The following CORO2B variants were observed in gnomAD, a reference collection of about 807,000 sequenced individuals.
CORO2B encodes the protein coronin 2B, also known as coronin-2B.
A neutral mutation model predicts 58.8 loss-of-function variants in CORO2B; 26 were observed. The ratio of observed to expected loss-of-function variants is 0.44; its 90% CI spans 0.32 to 0.61. The LOEUF (loss-of-function observed/expected upper bound fraction) is 0.61, where lower values mean the gene tolerates loss of function less well. Among genes scored for constraint, CORO2B ranks in the 20% least tolerant of loss-of-function variants. The pLI, the probability that CORO2B is intolerant of heterozygous loss-of-function variation, is 0.04. For synonymous variants in CORO2B, 242 were observed against 253.8 expected (o/e 0.95, Z 0.44); for missense variants, 460 against 645.1 (o/e 0.71, Z 3.11).
the CORO2B span, among the ~76,000 whole-genome samples, chr15:68,570,807 T>TTG: frequency 7.0e-6 from 1 of 142,750 alleles, no homozygotes; most frequent in Non-Finnish European, 1.5e-5. Flanking sequence ...TAGTTTTTTT[T>TTG]TTTTTTTTTT....
upstream of CORO2B, among the ~76,000 whole-genome samples, chr15:68,577,111 G>A (rs1899303484): frequency 6.6e-6 from 1 of 152,128 alleles, no homozygotes; most frequent in Non-Finnish European, 1.5e-5. Flanking sequence ...AGACGCCTGA[G>A]GTCTGCAGCA....
intron 2 of CORO2B, among the ~76,000 whole-genome samples, chr15:68,687,326 G>GCTT (rs1903017252): frequency 6.6e-6 from 1 of 152,218 alleles, no homozygotes; most frequent in African/African-American, 2.4e-5. Context: ...AAAACATTTT[G>GCTT]CTTCCATGTA....
chr15:68,708,357 C>CTTTTT (rs921103212), intron 3 of CORO2B, among the ~76,000 whole-genome samples: 35 of 114,960 alleles, frequency 3.0e-4, no homozygotes, highest in East Asian at 4.9e-4. Flanking sequence ...TTTTTTTCTT[C>CTTTTT]TTTTTTTTTT....
chr15:68,635,229 G>C (rs193295000), intron 1 of CORO2B, among the ~76,000 whole-genome samples: 10 of 152,304 alleles, frequency 6.6e-5, no homozygotes, highest in Admixed American at 6.5e-4. Flanking sequence ...TTTGGGCTAA[G>C]GGGGTGCAAG....
intron 1 of CORO2B, among the ~76,000 whole-genome samples, chr15:68,591,886 G>A (rs987064777): frequency 6.6e-6 from 1 of 152,172 alleles, no homozygotes; most frequent in African/African-American, 2.4e-5. Context: ...CACTGGAATG[G>A]GATTTCAGGA....
At chr15:68,610,541 G>T (rs1037238036) in intron 1 of CORO2B, among the ~76,000 whole-genome samples, 1 of 151,590 alleles carries the variant, frequency 6.6e-6, no homozygotes, top group Admixed American at 6.6e-5. Context: ...CTCCCCTCCT[G>T]TTCTCCCATC....
At chr15:68,597,013 C>T (rs181992943) in intron 1 of CORO2B, among the ~76,000 whole-genome samples, 6 of 152,252 alleles carry the variant, frequency 3.9e-5, no homozygotes, top group East Asian at 1.9e-4. Flanking sequence ...CCTCAGGGAC[C>T]GCCCTCCCCT....
intron 2 of CORO2B, among the ~76,000 whole-genome samples, chr15:68,675,783 A>C (rs1902563641): frequency 6.6e-6 from 1 of 152,168 alleles, no homozygotes; most frequent in African/African-American, 2.4e-5. Context: ...GGAAGAGAGA[A>C]TTTATTCACT....
At chr15:68,527,067 C>A in the CORO2B span, among the ~76,000 whole-genome samples, 1 of 152,154 alleles carries the variant, frequency 6.6e-6, no homozygotes, top group East Asian at 1.9e-4. Flanking sequence ...TGTTTGAAAA[C>A]CAAAGACAGA....
At chr15:68,660,079 C>G (rs1438894510) in intron 2 of CORO2B, among the ~76,000 whole-genome samples, 1 of 152,072 alleles carries the variant, frequency 6.6e-6, no homozygotes, top group Non-Finnish European at 1.5e-5. Flanking sequence ...AGAAATATAT[C>G]GTAATTTCTG....
At chr15:68,655,895 A>G (rs1443525612) in intron 2 of CORO2B, among the ~76,000 whole-genome samples, 1 of 152,178 alleles carries the variant, frequency 6.6e-6, no homozygotes, top group Non-Finnish European at 1.5e-5. Flanking sequence ...TCAAGGAACA[A>G]AAATGATTTA....
chr15:68,542,026 C>T, the CORO2B span, among the ~76,000 whole-genome samples: 2 of 152,214 alleles, frequency 1.3e-5, no homozygotes, highest in Non-Finnish European at 2.9e-5. Flanking sequence ...CTGGGACGGT[C>T]ACAGGGACTG....
Position 68,710,844 on chromosome 15 carries a change from C to A in CORO2B, c.446C>A (p.Thr149Asn). Residue 149 changes from threonine (T) to asparagine (N), a missense_variant, in exon 4 of 12, where the codon ACC (threonine) becomes AAC (asparagine). Thr to Asn is a moderately conservative substitution (Grantham distance 65). Around this residue, in one of 2 missense-constraint regions of CORO2B, gnomAD observed 352 missense variants for 543.0 expected, o/e 0.65. Coordinates refer to ENST00000261861, the MANE Select transcript of CORO2B (RefSeq NM_006091.5). The surrounding 1 kb of genome is among the most constrained non-coding windows in gnomAD (Gnocchi z 4.1). ...GGGCTGGTCGAGTGGCACCCCACCA[C>A]CAACAACATCCTGTTCAGCGCTGGC... is the stretch of plus-strand genomic sequence containing the variant. ...RVGLVEWHPT[T>N]NNILFSAGYD... 6.2e-7 allele frequency: 1 copy of A among 1,610,878 alleles called. No individual in the cohort carries two copies. Among genetic ancestry groups the A allele is most frequent in the Non-Finnish European group, 8.5e-7 (1 of 1,178,842 alleles).
intron 3 of CORO2B, among the ~76,000 whole-genome samples, chr15:68,696,991 G>T (rs567616093): frequency 3.9e-5 from 6 of 152,244 alleles, no homozygotes; most frequent in Non-Finnish European, 7.3e-5. Context: ...ACTGGACTGT[G>T]AGCTCCTGGG....
At chr15:68,714,732 C>T in intron 7 of CORO2B, 69 bp downstream of exon 7, 2 of 1,180,818 alleles carry the variant, frequency 1.7e-6, no homozygotes, top group Non-Finnish European at 2.5e-6. Flanking sequence ...ACCCCTGCAC[C>T]TGCCCCACCC....
At chr15:68,522,080 A>G in the CORO2B span, among the ~76,000 whole-genome samples, 1,184 of 152,280 alleles carry the variant, frequency 7.8e-3, 21 homozygotes, top group African/African-American at 0.027. Context: ...AAGTGCTGGG[A>G]TTGCAGGCGT....
the CORO2B span, among the ~76,000 whole-genome samples, chr15:68,544,289 TA>T: frequency 1.3e-5 from 2 of 152,218 alleles, no homozygotes; most frequent in African/African-American, 4.8e-5. Flanking sequence ...TAACAAGATG[TA>T]AAAACATGCA....
chr15:68,609,387 AG>A (rs2140244484), intron 1 of CORO2B, among the ~76,000 whole-genome samples: 1 of 152,294 alleles, frequency 6.6e-6, no homozygotes, highest in Non-Finnish European at 1.5e-5. Flanking sequence ...TTCTCCCAGC[AG>A]GGCCTGTATT....
chr15:68,588,407 C>G (rs1375834490), intron 1 of CORO2B, among the ~76,000 whole-genome samples: 1 of 152,182 alleles, frequency 6.6e-6, no homozygotes, highest in Admixed American at 6.5e-5. Context: ...AATAATCTGG[C>G]TATAAAAATG....
Sources: allele counts gnomAD v4.1 joint callset (sites outside exome capture counted in the v4.1 genomes callset), GRCh38; gene constraint gnomAD v4.1.1; regional missense constraint gnomAD v4.1.1; non-coding constraint Gnocchi (gnomAD v3.1); transcripts MANE v1.5; gene names NCBI Gene and HGNC (gene_info 2026-07-23, HGNC 2026-07-21).